The following MGAT4C variants were observed in gnomAD, a reference collection of about 807,000 sequenced individuals.
MGAT4C encodes MGAT4 family member C.
A neutral mutation model predicts 40.1 loss-of-function variants in MGAT4C; 19 were observed. That is an observed-to-expected ratio of 0.47 (90% confidence interval 0.33 to 0.70). The LOEUF (loss-of-function observed/expected upper bound fraction) is 0.70. Ranked by LOEUF, MGAT4C falls within the 30% of genes least tolerant of loss-of-function variation. The pLI, the probability that MGAT4C is intolerant of heterozygous loss-of-function variation, is 0.02. For missense variants in MGAT4C, 491 were observed against 563.2 expected, an observed-to-expected ratio of 0.87 and a Z score of 1.30; for synonymous variants, 181 against 187.1, an observed-to-expected ratio of 0.97 and a Z score of 0.27.
chr12:85,990,591 T>C (rs1047789322), intron 2 of MGAT4C, among the ~76,000 whole-genome samples: 3 of 152,102 alleles, frequency 2.0e-5, no homozygotes, highest in African/African-American at 7.2e-5. Flanking sequence ...CTTCAATGAA[T>C]TAATGCAAGG....
chr12:86,241,258 T>C (rs897091373), intron 1 of MGAT4C, among the ~76,000 whole-genome samples: 5 of 152,196 alleles, frequency 3.3e-5, no homozygotes, highest in Non-Finnish European at 5.9e-5. Context: ...ACTTTATGAC[T>C]ATACATGTAT....
chr12:86,774,311 C>CTTTCT lies in MGAT4C; in HGVS notation c.-261-47075_-261-47071dup, dbSNP rs1555227753. ...TCTTTCTTTCTTTCTTTCTTTCTTT[C>CTTTCT]TTTCTTTCTTTCTTTCTTTCTTTCT... On this transcript the variant is annotated intron_variant, in intron 1 of 7. Coordinates refer to the MGAT4C transcript ENST00000548651. Among the ~76,000 whole-genome samples the CTTTCT allele has an allele frequency of 1.1e-3, 44 of 40,136 alleles. 2 individuals carry two copies. Among genetic ancestry groups the CTTTCT allele is most frequent in the African/African-American group, 2.7e-3 (43 of 15,882 alleles). The allele number at this position is 40,136 out of a possible 152,430, so 26.3% of individuals were successfully genotyped here. A position where few individuals can be genotyped will look rare whatever the true frequency, so the allele number is the denominator to read the frequency against.
chr12:86,177,959 C>T (rs925945495), intron 1 of MGAT4C, among the ~76,000 whole-genome samples: 1 of 151,916 alleles, frequency 6.6e-6, no homozygotes, highest in African/African-American at 2.4e-5. Flanking sequence ...TTTTTTGAGA[C>T]AGAGTCTCAC....
At chr12:86,181,818 T>C (rs947131733) in intron 1 of MGAT4C, among the ~76,000 whole-genome samples, 5 of 152,120 alleles carry the variant, frequency 3.3e-5, no homozygotes, top group South Asian at 2.1e-4. Flanking sequence ...AATTTTTCAA[T>C]TGATTTTTAT....
chr12:86,357,240 A>G (rs531561495), intron 3 of MGAT4C, among the ~76,000 whole-genome samples: 3 of 152,340 alleles, frequency 2.0e-5, no homozygotes, highest in African/African-American at 7.2e-5. Context: ...GCAAACTCCA[A>G]CAGAACTGCA....
At chr12:86,310,817 G>C (rs945358509) in intron 4 of MGAT4C, among the ~76,000 whole-genome samples, 3 of 152,210 alleles carry the variant, frequency 2.0e-5, no homozygotes, top group Non-Finnish European at 4.4e-5. Context: ...CCAGCTACTC[G>C]GGAGGCTGAG....
chr12:86,053,045 A>C (rs149822516), intron 1 of MGAT4C, among the ~76,000 whole-genome samples: 1 of 152,054 alleles, frequency 6.6e-6, no homozygotes, highest in Non-Finnish European at 1.5e-5. Context: ...AGAGTCAGCC[A>C]AGCAAAGCGA....
chr12:86,082,709 A>C (rs1871066908), intron 1 of MGAT4C, among the ~76,000 whole-genome samples: 1 of 152,158 alleles, frequency 6.6e-6, no homozygotes. Context: ...TCCATAAAAT[A>C]CATTTCTATT....
Position 86,305,670 on chromosome 12 carries a change from G to A in MGAT4C, c.-57+28395C>T, listed in dbSNP as rs1163165034. ...GTTCAAGTCTTTTATGTTAAGTGGT[G>A]CAGTACTTGCATATAATCTATGCAT... On this transcript the variant is annotated intron_variant, in intron 4 of 7. Transcript: ENST00000548651. 2.0e-5 allele frequency among the ~76,000 whole-genome samples: 3 copies of A among 150,208 alleles called. 1 individual carries two copies. Among genetic ancestry groups the A allele is most frequent in the African/African-American group, 7.6e-5 (3 of 39,726 alleles).
upstream of MGAT4C, among the ~76,000 whole-genome samples, chr12:86,258,524 T>G (rs1952589601): frequency 6.6e-6 from 1 of 152,090 alleles, no homozygotes; most frequent in South Asian, 2.1e-4. Context: ...CATTTTTGTT[T>G]GTTTGTTCAT....
At chr12:86,715,263 G>A (rs1593144603) in intron 2 of MGAT4C, among the ~76,000 whole-genome samples, 1 of 151,690 alleles carries the variant, frequency 6.6e-6, no homozygotes, top group South Asian at 2.1e-4. Flanking sequence ...TTTTCTTAAA[G>A]TAAACTACCA....
At chr12:86,535,224 A>G (rs1959048830) in intron 2 of MGAT4C, among the ~76,000 whole-genome samples, 1 of 152,088 alleles carries the variant, frequency 6.6e-6, no homozygotes, top group Non-Finnish European at 1.5e-5. Context: ...AAAATGGATG[A>G]CCTAATTTAA....
intron 2 of MGAT4C, among the ~76,000 whole-genome samples, chr12:86,640,507 G>A (rs186136179): frequency 6.6e-6 from 1 of 151,684 alleles, no homozygotes; most frequent in Non-Finnish European, 1.5e-5. Context: ...TTCTTTATTA[G>A]TCTTGCTAGT....
intron 1 of MGAT4C, among the ~76,000 whole-genome samples, chr12:86,161,345 G>T (rs577663860): frequency 6.6e-6 from 1 of 152,044 alleles, no homozygotes; most frequent in Admixed American, 6.6e-5. Context: ...TAAAAACTCA[G>T]AAAGAAAGCC....
At chr12:86,616,858 G>A (rs1274937495) in intron 2 of MGAT4C, among the ~76,000 whole-genome samples, 4 of 151,676 alleles carry the variant, frequency 2.6e-5, no homozygotes, top group Non-Finnish European at 4.4e-5. Flanking sequence ...TTTAGACAGG[G>A]GAATAAATGT....
intron 1 of MGAT4C, among the ~76,000 whole-genome samples, chr12:86,827,734 A>G (rs952091531): frequency 2.0e-4 from 31 of 151,510 alleles, no homozygotes; most frequent in African/African-American, 7.5e-4. Flanking sequence ...TGTGGCAGAA[A>G]AAAAGCCATT....
At chr12:86,046,667 T>C (rs1892426166) in intron 2 of MGAT4C, among the ~76,000 whole-genome samples, 1 of 152,180 alleles carries the variant, frequency 6.6e-6, no homozygotes. Flanking sequence ...TGGGGTCTCC[T>C]GGGGATCCCA....
At chr12:86,789,701 C>T (rs1239096608) in intron 1 of MGAT4C, among the ~76,000 whole-genome samples, 1 of 152,048 alleles carries the variant, frequency 6.6e-6, no homozygotes, top group African/African-American at 2.4e-5. Context: ...AAAGGATTTG[C>T]ACTATTTATA....
chr12:86,220,588 C>G (rs1259981876), intron 1 of MGAT4C, among the ~76,000 whole-genome samples: 1 of 152,194 alleles, frequency 6.6e-6, no homozygotes, highest in Non-Finnish European at 1.5e-5. Context: ...TGCTTCCCTA[C>G]TGTGATTCCT....
Sources: gnomAD v4.1 joint callset for allele counts (sites outside exome capture counted in the v4.1 genomes callset) on GRCh38, gnomAD v4.1.1 for gene constraint, MANE v1.5 for transcripts, NCBI Gene and HGNC (gene_info 2026-07-23, HGNC 2026-07-21) for gene names.